GRM8: variants seen among roughly 807,000 people sequenced by gnomAD.
GRM8 encodes metabotropic glutamate receptor 8.
Under a neutral mutation model 87.2 loss-of-function variants are expected in GRM8, and 47 were observed. The observed-to-expected ratio is 0.54, with a 90% CI of 0.43 to 0.69. The LOEUF is 0.69. Ranked by LOEUF, GRM8 falls within the 30% of genes least tolerant of loss-of-function variation. The pLI is 0.00. For synonymous variants in GRM8, 396 were observed against 404.5 expected, an observed-to-expected ratio of 0.98 and a Z score of 0.25; for missense variants, 1,019 against 1,139.2, an observed-to-expected ratio of 0.89 and a Z score of 1.52.
chr7:126,985,302 T>C (rs11563513), intron 3 of GRM8, among the ~76,000 whole-genome samples: 50,808 of 152,040 alleles, frequency 0.33, 8,492 homozygotes, highest in Middle Eastern at 0.37. Context: ...CATCCACAAA[T>C]TAAAATCAGC....
intron 8 of GRM8, among the ~76,000 whole-genome samples, chr7:126,590,732 CA>C (rs926177401): frequency 1.9e-4 from 29 of 152,170 alleles, no homozygotes; most frequent in African/African-American, 6.7e-4. Context: ...CCTACTTAAA[CA>C]AAACAATTAT....
intron 7 of GRM8, among the ~76,000 whole-genome samples, chr7:126,653,300 CAAA>C (rs35546815): frequency 9.2e-6 from 1 of 109,010 alleles, no homozygotes; most frequent in African/African-American, 3.5e-5. Flanking sequence ...ATCCTGTCTC[CAAA>C]AAAAAAAAAA....
In GRM8 at chr7:126,729,357, AG is replaced by A. The variant is rs908179439; in HGVS notation, c.1357+40507del. On this transcript the variant is annotated intron_variant, in intron 7 of 10. Coordinates refer to ENST00000339582, the MANE Select transcript of GRM8 (RefSeq NM_000845.3). Reference sequence around the variant, plus strand: ...AGAAGAGCCAAGGAGTCAAAACTCCAGGGAATGGCCTTCACACTATGGTGAG... The same window carrying A: ...AGAAGAGCCAAGGAGTCAAAACTCCAGGAATGGCCTTCACACTATGGTGAG... Among the ~76,000 whole-genome samples the A allele has an allele frequency of 2.8e-3, 423 of 152,308 alleles. 5 individuals carry two copies. The highest frequency in any genetic ancestry group is 9.7e-3 in the African/African-American group (402 of 41,582).
In GRM8 at chr7:127,179,047, C is replaced by T. The variant is rs186672083; in HGVS notation, c.510+63648G>A. On this transcript the variant is annotated intron_variant, in intron 2 of 10. Coordinates refer to ENST00000339582, the MANE Select transcript of GRM8 (RefSeq NM_000845.3). ...ATTGAATGTAAATGGCCTAAATGTT[C>T]CACTTAAAAGATACAGAACCACGGA... 5.4e-3 allele frequency among the ~76,000 whole-genome samples: 829 copies of T among 152,230 alleles called. 5 individuals carry two copies. The highest frequency in any genetic ancestry group is 8.6e-3 in the Non-Finnish European group (585 of 67,990).
chr7:126,940,378 G>A (rs1345732624), intron 3 of GRM8, among the ~76,000 whole-genome samples: 1 of 152,174 alleles, frequency 6.6e-6, no homozygotes, highest in East Asian at 1.9e-4. Context: ...TCTCAGCCAT[G>A]GAGCCTCTTG....
intron 3 of GRM8, among the ~76,000 whole-genome samples, chr7:126,982,077 T>A (rs765633978): frequency 1.3e-5 from 2 of 152,138 alleles, no homozygotes; most frequent in Non-Finnish European, 2.9e-5. Context: ...GTCTGCAAGC[T>A]GAGGAGCAAG....
chr7:126,918,529 C>T (rs1804172018), intron 3 of GRM8, among the ~76,000 whole-genome samples: 1 of 152,146 alleles, frequency 6.6e-6, no homozygotes. Context: ...GAAATAGCAA[C>T]ACATCAATCC....
chr7:126,806,613 C>T (rs1792760970), intron 6 of GRM8, among the ~76,000 whole-genome samples: 2 of 152,238 alleles, frequency 1.3e-5, no homozygotes, highest in Admixed American at 6.5e-5. Context: ...CTGATTGGTA[C>T]GTTTACAATC....
intron 7 of GRM8, among the ~76,000 whole-genome samples, chr7:126,673,100 A>G (rs1266900781): frequency 6.6e-6 from 1 of 152,168 alleles, no homozygotes; most frequent in Non-Finnish European, 1.5e-5. Flanking sequence ...CTTTGCAAGC[A>G]GGGAGGAGCT....
intron 6 of GRM8, among the ~76,000 whole-genome samples, chr7:126,833,567 T>A (rs529175107): frequency 6.6e-6 from 1 of 152,210 alleles, no homozygotes; most frequent in Non-Finnish European, 1.5e-5. Flanking sequence ...AGCTTGCAGA[T>A]GGCTGCCTTC....
chr7:127,151,469 AC>A (rs1828856838), intron 2 of GRM8, among the ~76,000 whole-genome samples: 1 of 152,028 alleles, frequency 6.6e-6, no homozygotes, highest in Non-Finnish European at 1.5e-5. Context: ...AAGAAAAAAC[AC>A]CCCAAAACCC....
intron 6 of GRM8, among the ~76,000 whole-genome samples, chr7:126,791,503 C>T (rs1358751788): frequency 1.3e-5 from 2 of 152,214 alleles, no homozygotes; most frequent in African/African-American, 4.8e-5. Context: ...GACTCACACT[C>T]TGGGTTCTGC....
intron 3 of GRM8, among the ~76,000 whole-genome samples, chr7:126,968,117 T>C (rs1477758125): frequency 6.6e-6 from 1 of 152,218 alleles, no homozygotes; most frequent in Non-Finnish European, 1.5e-5. Context: ...ATCACTTTGA[T>C]ATCCATTAGA....
intron 2 of GRM8, among the ~76,000 whole-genome samples, chr7:127,226,933 C>T (rs1341336367): frequency 1.3e-5 from 2 of 152,178 alleles, no homozygotes; most frequent in Admixed American, 1.3e-4. Context: ...TCCACTGGCA[C>T]ACAAAGCTAG....
At chr7:126,640,363 T>G (rs1349689469) in intron 7 of GRM8, among the ~76,000 whole-genome samples, 1 of 152,092 alleles carries the variant, frequency 6.6e-6, no homozygotes, top group East Asian at 1.9e-4. Context: ...CTAGAATAAC[T>G]AAGGATAAAA....
At chr7:126,562,190 T>C (rs1479969360) in intron 8 of GRM8, among the ~76,000 whole-genome samples, 1 of 152,080 alleles carries the variant, frequency 6.6e-6, no homozygotes, top group Non-Finnish European at 1.5e-5. Context: ...AAGAGTGAAC[T>C]AAAGTGGAGA....
chr7:127,059,352 T>A (rs1230246981), intron 3 of GRM8, among the ~76,000 whole-genome samples: 1 of 151,220 alleles, frequency 6.6e-6, no homozygotes, highest in East Asian at 1.9e-4. Flanking sequence ...TTTTGTTTTT[T>A]TTGAGATGGA....
chr7:126,723,077 G>A (rs186284320), intron 7 of GRM8, among the ~76,000 whole-genome samples: 2 of 149,642 alleles, frequency 1.3e-5, no homozygotes, highest in African/African-American at 4.9e-5. Flanking sequence ...TTTCTTTGGA[G>A]GGTGCTTTTC....
intron 2 of GRM8, among the ~76,000 whole-genome samples, chr7:127,211,062 T>A (rs2116629951): frequency 6.6e-6 from 1 of 152,294 alleles, no homozygotes; most frequent in Non-Finnish European, 1.5e-5. Flanking sequence ...ATTAGGGTTC[T>A]CTGGAGGGAC....
Sources: gnomAD v4.1 joint callset for allele counts (sites outside exome capture counted in the v4.1 genomes callset) on GRCh38, gnomAD v4.1.1 for gene constraint, MANE v1.5 for transcripts, NCBI Gene and HGNC (gene_info 2026-07-23, HGNC 2026-07-21) for gene names.